The following REEP1 variants were observed in gnomAD, a reference collection of about 807,000 sequenced individuals.
The protein encoded by REEP1 is receptor expression-enhancing protein 1.
A neutral mutation model predicts 40.3 loss-of-function variants in REEP1; 22 were observed. The observed-to-expected ratio is 0.55, with a 90% CI of 0.39 to 0.78. The LOEUF (loss-of-function observed/expected upper bound fraction) is 0.78. REEP1 is among the 30% of genes least tolerant of loss of function. REEP1 has a pLI of 0.00. For synonymous variants in REEP1, 116 were observed against 139.2 expected (o/e 0.83, Z 1.17); for missense variants, 280 against 361.1 (o/e 0.78, Z 1.82).
intron 1 of REEP1, among the ~76,000 whole-genome samples, chr2:86,326,540 C>G (rs1680512072): frequency 6.6e-6 from 1 of 151,956 alleles, no homozygotes; most frequent in South Asian, 2.1e-4. Context: ...TGGTGAAACC[C>G]CGTCTCTACT....
At chr2:86,288,930 C>G (rs755956647) in intron 1 of REEP1, among the ~76,000 whole-genome samples, 10 of 152,142 alleles carry the variant, frequency 6.6e-5, no homozygotes, top group Non-Finnish European at 1.0e-4. Context: ...TTATATCCCT[C>G]CATTAGTTTA....
At chr2:86,301,252 C>T (rs1021489586) in intron 1 of REEP1, among the ~76,000 whole-genome samples, 2 of 152,186 alleles carry the variant, frequency 1.3e-5, no homozygotes, top group Non-Finnish European at 2.9e-5. Context: ...GCAGGCTTTT[C>T]CATGGGCATA....
At chr2:86,301,232 G>A (rs1679244806) in intron 1 of REEP1, among the ~76,000 whole-genome samples, 4 of 152,158 alleles carry the variant, frequency 2.6e-5, no homozygotes, top group Admixed American at 1.3e-4. Flanking sequence ...CAGCACCAGC[G>A]GAAACCACAG....
intron 1 of REEP1, among the ~76,000 whole-genome samples, chr2:86,335,951 C>G (rs1681009686): frequency 6.6e-6 from 1 of 151,418 alleles, no homozygotes; most frequent in Non-Finnish European, 1.5e-5. Flanking sequence ...AGTCACATGA[C>G]CCAGGATCAG....
intron 7 of REEP1, among the ~76,000 whole-genome samples, chr2:86,222,814 C>T (rs908760379): frequency 6.6e-6 from 1 of 152,146 alleles, no homozygotes; most frequent in African/African-American, 2.4e-5. Flanking sequence ...GAGAAATGAA[C>T]CCCACAGAAC....
chr2:86,301,538 A>T (rs1376367986), intron 1 of REEP1, among the ~76,000 whole-genome samples: 2 of 152,208 alleles, frequency 1.3e-5, no homozygotes, highest in African/African-American at 2.4e-5. Flanking sequence ...TTTTCAAGAG[A>T]CCAGCGTGAC....
At chr2:86,287,372 GC>G (rs1472593569) in intron 1 of REEP1, among the ~76,000 whole-genome samples, 6 of 152,274 alleles carry the variant, frequency 3.9e-5, no homozygotes, top group East Asian at 3.9e-4. Flanking sequence ...AAAGACATGA[GC>G]CACTGCACCC....
In REEP1 at chr2:86,217,031, C is replaced by T; in HGVS notation, c.*8G>A. Reference sequence around the variant, plus strand: ...TTCTGTGGATCCGGTGCTGTTGGCTCATCTCACTCACGTGGTTTCGGTGGC... The same window carrying T: ...TTCTGTGGATCCGGTGCTGTTGGCTTATCTCACTCACGTGGTTTCGGTGGC... On this transcript the variant is annotated 3_prime_UTR_variant, in exon 9 of 9. Transcript: ENST00000538924. 6.2e-7 allele frequency: 1 copy of T among 1,612,364 alleles called. No individual in the cohort carries two copies. The highest frequency in any genetic ancestry group is 8.5e-7 in the Non-Finnish European group (1 of 1,178,400).
chr2:86,253,039 T>C (rs1676368163), intron 4 of REEP1, among the ~76,000 whole-genome samples: 1 of 152,244 alleles, frequency 6.6e-6, no homozygotes, highest in Non-Finnish European at 1.5e-5. Flanking sequence ...CCCAGCACTT[T>C]GGGAGGCCAA....
chr2:86,292,199 A>C (rs894984259), intron 1 of REEP1, among the ~76,000 whole-genome samples: 2 of 152,110 alleles, frequency 1.3e-5, no homozygotes, highest in African/African-American at 4.8e-5. Flanking sequence ...GAGACCAAAA[A>C]CACCTACTTT....
At chr2:86,316,938 C>A (rs2104503064) in intron 1 of REEP1, among the ~76,000 whole-genome samples, 1 of 152,272 alleles carries the variant, frequency 6.6e-6, no homozygotes, top group East Asian at 1.9e-4. Flanking sequence ...TACTGTCCCA[C>A]TGAAAACAGT....
chr2:86,270,817 T>C (rs1677402225), intron 2 of REEP1, among the ~76,000 whole-genome samples: 3 of 151,234 alleles, frequency 2.0e-5, no homozygotes, highest in South Asian at 2.1e-4. Context: ...ATACATGTAA[T>C]AGGAATTCCA....
In REEP1 at chr2:86,329,116, A is replaced by G. The variant is rs966476860; in HGVS notation, c.32+8363T>C. 4.6e-5 allele frequency among the ~76,000 whole-genome samples: 7 copies of G among 152,062 alleles called. No individual in the cohort carries two copies. The East Asian group carries it at 1.4e-3, about 29-fold the overall frequency. Reference sequence around the variant, plus strand: ...GGAAAGGGGATACAGTGGGAAGATAATCTTCCCCTGGAGTGCGGCCATCCC... The same window carrying G: ...GGAAAGGGGATACAGTGGGAAGATAGTCTTCCCCTGGAGTGCGGCCATCCC... On this transcript the variant is annotated intron_variant, in intron 1 of 8. Transcript: ENST00000538924.
chr2:86,283,837 G>C (rs1574079596), intron 1 of REEP1, among the ~76,000 whole-genome samples: 1 of 152,084 alleles, frequency 6.6e-6, no homozygotes, highest in East Asian at 1.9e-4. Context: ...ACCAGTGAAG[G>C]GTAAGGCAGG....
At chr2:86,302,739 A>G (rs1005181254) in intron 1 of REEP1, among the ~76,000 whole-genome samples, 2 of 152,214 alleles carry the variant, frequency 1.3e-5, no homozygotes, top group African/African-American at 4.8e-5. Context: ...GATACACAGT[A>G]ACTTCAATCA....
chr2:86,271,242 A>G (rs1677430980), intron 2 of REEP1, among the ~76,000 whole-genome samples: 1 of 152,006 alleles, frequency 6.6e-6, no homozygotes, highest in Non-Finnish European at 1.5e-5. Flanking sequence ...AGAACCAGGA[A>G]GCTCAGTGAA....
chr2:86,276,921 C>A (rs1677785274), intron 2 of REEP1, among the ~76,000 whole-genome samples: 2 of 152,200 alleles, frequency 1.3e-5, no homozygotes, highest in Admixed American at 6.5e-5. Context: ...GTTTGAGAAT[C>A]ACTGCTCTAA....
chr2:86,237,727 T>C (rs944743222), intron 5 of REEP1, among the ~76,000 whole-genome samples: 2 of 152,092 alleles, frequency 1.3e-5, no homozygotes, highest in Non-Finnish European at 1.5e-5. Flanking sequence ...TTCACCTTAT[T>C]GGTCAGGCTG....
intron 1 of REEP1, among the ~76,000 whole-genome samples, chr2:86,322,657 T>C (rs1573051307): frequency 6.6e-6 from 1 of 152,070 alleles, no homozygotes; most frequent in East Asian, 1.9e-4. Flanking sequence ...TTTCAGCATG[T>C]TGTCCAGGCT....
Sources: gnomAD v4.1 joint callset for allele counts (sites outside exome capture counted in the v4.1 genomes callset) on GRCh38, gnomAD v4.1.1 for gene constraint, MANE v1.5 for transcripts, NCBI Gene and HGNC (gene_info 2026-07-23, HGNC 2026-07-21) for gene names.